MAGT1: variants seen among roughly 807,000 people sequenced by gnomAD.
MAGT1 encodes the protein dolichyl-diphosphooligosaccharide--protein glycosyltransferase subunit MAGT1.
MAGT1 carries 4 observed loss-of-function variants against 28.4 expected under a neutral mutation model. That is an observed-to-expected ratio of 0.14 (90% CI 0.07 to 0.32). The LOEUF (loss-of-function observed/expected upper bound fraction) is 0.32. MAGT1 is among the 10% of genes least tolerant of loss of function. MAGT1 has a pLI of 1.00. For missense variants in MAGT1, 193 were observed against 264.5 expected, an observed-to-expected ratio of 0.73 and a Z score of 1.88; for synonymous variants, 89 against 89.7, an observed-to-expected ratio of 0.99 and a Z score of 0.04.
At chrX:77,859,912 T>A (rs957349340) in intron 3 of MAGT1, among the ~76,000 whole-genome samples, 2 of 111,306 alleles carry the variant, frequency 1.8e-5, no homozygotes, top group Non-Finnish European at 3.8e-5. Flanking sequence ...CCAAAGTGGC[T>A]GTGCCAAAAT....
chrX:77,851,456 C>T (rs2076968101), intron 7 of MAGT1, among the ~76,000 whole-genome samples: 1 of 111,072 alleles, frequency 9.0e-6, no homozygotes, highest in African/African-American at 3.3e-5. Flanking sequence ...TCACTGCAAC[C>T]TCTGCCTCCC....
At chrX:77,847,763 C>T (rs1240765880) in intron 7 of MAGT1, among the ~76,000 whole-genome samples, 1 of 110,007 alleles carries the variant, frequency 9.1e-6, no homozygotes, top group East Asian at 2.8e-4. Context: ...AGGCACATGC[C>T]ACCACGCCTG....
intron 2 of MAGT1, among the ~76,000 whole-genome samples, chrX:77,872,795 TAAA>T (rs2077023711): frequency 8.9e-6 from 1 of 112,373 alleles, no homozygotes; most frequent in Non-Finnish European, 1.9e-5. Context: ...TATTGCCATC[TAAA>T]TTTTCATATG....
intron 7 of MAGT1, among the ~76,000 whole-genome samples, chrX:77,849,737 T>C (rs1557215334): frequency 9.1e-6 from 1 of 109,409 alleles, no homozygotes; most frequent in East Asian, 2.9e-4. Flanking sequence ...TAGCCAGGCA[T>C]GGTGGCAGGT....
chrX:77,841,472 G>A (rs2076934537), intron 7 of MAGT1, 152 bp from the exon 8 acceptor site: 4 of 426,161 alleles, frequency 9.4e-6, no homozygotes, highest in Non-Finnish European at 1.6e-5. Flanking sequence ...GTATCTATAC[G>A]GCATGACAAT....
At chrX:77,848,196 T>G (rs1054362947) in intron 7 of MAGT1, among the ~76,000 whole-genome samples, 1 of 112,293 alleles carries the variant, frequency 8.9e-6, no homozygotes, top group African/African-American at 3.2e-5. Context: ...AAATAAAAAG[T>G]TGAACAAAAT....
intron 1 of MAGT1, among the ~76,000 whole-genome samples, chrX:77,885,990 T>TA (rs1557218981): frequency 3.6e-5 from 4 of 110,598 alleles, no homozygotes; most frequent in African/African-American, 9.8e-5. Context: ...TAAAATAAAA[T>TA]AAAAAAATCT....
At chrX:77,860,602 C>T (rs1398891341) in intron 3 of MAGT1, among the ~76,000 whole-genome samples, 9 of 108,157 alleles carry the variant, frequency 8.3e-5, no homozygotes, top group African/African-American at 2.3e-4. Context: ...GCCAACATGG[C>T]GAAACCCTGT....
intron 8 of MAGT1, among the ~76,000 whole-genome samples, chrX:77,834,319 T>C (rs1249519749): frequency 9.8e-6 from 1 of 102,449 alleles, no homozygotes; most frequent in Non-Finnish European, 2.0e-5. Flanking sequence ...TGTATATATA[T>C]GCATATATAT....
chrX:77,875,995 T>A (rs2077032396), intron 1 of MAGT1, among the ~76,000 whole-genome samples: 1 of 103,755 alleles, frequency 9.6e-6, no homozygotes, highest in Non-Finnish European at 2.0e-5. Context: ...CATGCTCAGC[T>A]GATTTTTGTA....
intron 8 of MAGT1, among the ~76,000 whole-genome samples, chrX:77,840,327 T>C (rs781841367): frequency 9.4e-6 from 1 of 106,267 alleles, no homozygotes; most frequent in East Asian, 3.0e-4. Flanking sequence ...TCCCAGCTAC[T>C]CAGGAGGCTG....
intron 8 of MAGT1, among the ~76,000 whole-genome samples, chrX:77,839,781 AC>A (rs1194365180): frequency 1.8e-5 from 2 of 109,752 alleles, no homozygotes; most frequent in African/African-American, 6.6e-5. Context: ...TGCTGGGATT[AC>A]AGGCGTGAGC....
intron 8 of MAGT1, among the ~76,000 whole-genome samples, chrX:77,836,464 A>G (rs72628492): frequency 5.4e-5 from 6 of 112,001 alleles, no homozygotes; most frequent in African/African-American, 1.9e-4. Flanking sequence ...ACTATTACAC[A>G]TTGCATGCCT....
Position 77,841,228 on chromosome X carries a change from T to C in MAGT1, c.901+18A>G, listed in dbSNP as rs782315868. The stretch of plus-strand genomic sequence containing the variant: ...ATAGTACAGGCAGCACTGTTACATT[T>C]TGAGTAAGGTGACTTACTCTTTCGC... On this transcript the variant is annotated intron_variant, in intron 8 of 9. Transcript: ENST00000618282. 9 of 1,146,741 alleles carry C rather than the reference T, an allele frequency of 7.8e-6. No individual in the cohort carries two copies. The African/African-American group carries it at 8.9e-5, about 11-fold the overall frequency. The allele number at this position is 1,146,741 out of a possible 1,213,427, so 94.5% of individuals were successfully genotyped here.
intron 2 of MAGT1, among the ~76,000 whole-genome samples, chrX:77,872,859 A>C (rs2077023857): frequency 8.9e-6 from 1 of 112,240 alleles, no homozygotes; most frequent in Admixed American, 9.6e-5. Context: ...CTATTTTACA[A>C]TTCTCATCCC....
chrX:77,883,007 T>A (rs2077056897), intron 1 of MAGT1, among the ~76,000 whole-genome samples: 1 of 100,907 alleles, frequency 9.9e-6, no homozygotes, highest in Non-Finnish European at 2.0e-5. Flanking sequence ...TATATATATT[T>A]ATATATATAA....
At chrX:77,886,839 G>A (rs2077069416) in intron 1 of MAGT1, among the ~76,000 whole-genome samples, 1 of 111,290 alleles carries the variant, frequency 9.0e-6, no homozygotes, top group African/African-American at 3.3e-5. Context: ...AGGACTACAT[G>A]TTATATAAAT....
intron 7 of MAGT1, among the ~76,000 whole-genome samples, chrX:77,853,103 T>C (rs1557215670): frequency 1.8e-5 from 2 of 112,012 alleles, no homozygotes; most frequent in African/African-American, 6.5e-5. Flanking sequence ...GCATCCACTT[T>C]TAGATATAAG....
chrX:77,868,214 T>C (rs2077012212), intron 3 of MAGT1: 1 of 67,550 alleles, frequency 1.5e-5, no homozygotes, highest in Admixed American at 2.0e-4. Flanking sequence ...GCTTTTTCCT[T>C]TTATGTTTGA....
Sources: allele counts gnomAD v4.1 joint callset (sites outside exome capture counted in the v4.1 genomes callset), GRCh38; gene constraint gnomAD v4.1.1; transcripts MANE v1.5; gene names NCBI Gene and HGNC (gene_info 2026-07-23, HGNC 2026-07-21).